Variants in NBEA observed in about 807,000 individuals in gnomAD.
NBEA encodes lysosomal-trafficking regulator 2.
A neutral mutation model predicts 343.4 loss-of-function variants in NBEA; 44 were observed. The observed-to-expected ratio is 0.13, with a 90% CI of 0.10 to 0.16. The LOEUF is 0.16. Ranked by LOEUF, NBEA falls within the 10% of genes least tolerant of loss-of-function variation. The pLI is 1.00. For missense variants in NBEA, 2,555 were observed against 3,631.3 expected (o/e 0.70, Z 7.62); for synonymous variants, 1,175 against 1,238.7 (o/e 0.95, Z 1.08).
chr13:35,460,535 C>G (rs2046844470), intron 40 of NBEA, among the ~76,000 whole-genome samples: 1 of 152,068 alleles, frequency 6.6e-6, no homozygotes, highest in African/African-American at 2.4e-5. Context: ...GAATATTGAG[C>G]CTCTTTGCCT....
chr13:35,096,087 G>A (rs952574986), intron 10 of NBEA, among the ~76,000 whole-genome samples: 23 of 151,742 alleles, frequency 1.5e-4, no homozygotes, highest in Non-Finnish European at 1.5e-5. Context: ...ACAATCCGAT[G>A]CATTTTAGTT....
At chr13:35,157,546 C>T (rs1469972255) in intron 21 of NBEA, among the ~76,000 whole-genome samples, 1 of 152,060 alleles carries the variant, frequency 6.6e-6, no homozygotes, top group Non-Finnish European at 1.5e-5. Context: ...TAATCTGAGC[C>T]ACTTGCTCTT....
intron 1 of NBEA, among the ~76,000 whole-genome samples, chr13:34,991,019 G>T (rs1381904438): frequency 6.6e-6 from 1 of 152,184 alleles, no homozygotes; most frequent in Non-Finnish European, 1.5e-5. Flanking sequence ...CTTTGCCCCA[G>T]TTCCCAATAA....
intron 38 of NBEA, among the ~76,000 whole-genome samples, chr13:35,396,947 C>T (rs1294524223): frequency 6.6e-6 from 1 of 152,076 alleles, no homozygotes; most frequent in African/African-American, 2.4e-5. Context: ...CTGACCTCAT[C>T]TCTTCATTTT....
In NBEA at chr13:35,159,590, C is replaced by G; in HGVS notation, c.3419C>G (p.Pro1140Arg). The G allele has an allele frequency of 6.2e-7, 1 of 1,611,704 alleles. No individual in the cohort carries two copies. ...TTAGCAGATGAGAAAGAAGACCTTC[C>G]CAATAGTAGTACATCATTTCTCTTT... is the stretch of plus-strand genomic sequence containing the variant. The part of the protein sequence containing the change: ...ITLADEKEDL[P>R]NSSTSFLFDK... The change falls in exon 22 of 59, where the codon CCC (proline) becomes CGC (arginine). Residue 1140 changes from proline to arginine, a missense_variant. Physicochemically the swap from Pro to Arg is moderately radical, Grantham distance 103. This residue lies in a region of NBEA where 367 missense variants were observed against 377.5 expected (regional missense o/e 0.97). Coordinates refer to ENST00000379939, the MANE Select transcript of NBEA (RefSeq NM_001385012.1).
chr13:34,973,047 G>A (rs1285060107), intron 1 of NBEA, among the ~76,000 whole-genome samples: 1 of 152,010 alleles, frequency 6.6e-6, no homozygotes, highest in Non-Finnish European at 1.5e-5. Context: ...CTTTTCCACA[G>A]GACTGTTGCG....
intron 13 of NBEA, among the ~76,000 whole-genome samples, chr13:35,112,685 C>T (rs2066276088): frequency 6.6e-6 from 1 of 152,128 alleles, no homozygotes; most frequent in South Asian, 2.1e-4. Flanking sequence ...TCTCATATGT[C>T]CCTCACCAGA....
At chr13:35,589,244 T>C (rs1418552616) in intron 46 of NBEA, among the ~76,000 whole-genome samples, 1 of 152,044 alleles carries the variant, frequency 6.6e-6, no homozygotes, top group Non-Finnish European at 1.5e-5. Context: ...AATAAACTTC[T>C]GGAATTAGAC....
chr13:35,424,582 T>A (rs1026651737), intron 38 of NBEA, among the ~76,000 whole-genome samples: 2 of 152,188 alleles, frequency 1.3e-5, no homozygotes, highest in African/African-American at 4.8e-5. Context: ...TGCATCAATG[T>A]TCATCAAGGA....
intron 39 of NBEA, among the ~76,000 whole-genome samples, chr13:35,437,057 C>T (rs1164474191): frequency 1.3e-5 from 2 of 152,086 alleles, no homozygotes; most frequent in African/African-American, 4.8e-5. Context: ...AGAATATAAG[C>T]CTTTATTAGT....
intron 50 of NBEA, 94 bp downstream of exon 50, chr13:35,646,025 T>G (rs2084212197): frequency 1.2e-6 from 1 of 848,470 alleles, no homozygotes; most frequent in East Asian, 2.7e-5. Context: ...AACCCCAGCT[T>G]CTGGGAATAA....
chr13:34,948,435 G>A (rs531631205), intron 1 of NBEA, among the ~76,000 whole-genome samples: 2 of 152,296 alleles, frequency 1.3e-5, no homozygotes, highest in South Asian at 4.1e-4. Context: ...ATTTGATCAG[G>A]TGTAAAGCAA....
chr13:35,659,828 A>G (rs1254051850), intron 55 of NBEA, among the ~76,000 whole-genome samples: 1 of 152,234 alleles, frequency 6.6e-6, no homozygotes, highest in African/African-American at 2.4e-5. Flanking sequence ...CAGAATTGCA[A>G]AGATGTGAAG....
intron 40 of NBEA, among the ~76,000 whole-genome samples, chr13:35,463,287 G>T (rs1482860247): frequency 6.6e-6 from 1 of 152,160 alleles, no homozygotes; most frequent in African/African-American, 2.4e-5. Flanking sequence ...TGAGAAAAAA[G>T]AAACTCTATA....
rs1053499267 is a variant in NBEA, at chr13:35,447,542, T to G, written c.6305-4550T>G. Among the ~76,000 whole-genome samples, 3 of 152,060 alleles carry G rather than the reference T, an allele frequency of 2.0e-5. No homozygotes were observed. In the East Asian group the frequency reaches 5.8e-4, roughly 29 times the overall value. On this transcript the variant is annotated intron_variant, in intron 39 of 58. Coordinates refer to ENST00000379939, the MANE Select transcript of NBEA (RefSeq NM_001385012.1). The stretch of plus-strand genomic sequence containing the variant: ...TCAGTCTATGGAGTGCTTTCATGGG[T>G]TATTTCTCACATGATGTAGAAAATA...
chr13:35,116,937 A>G (rs1172073687), intron 13 of NBEA, among the ~76,000 whole-genome samples: 2 of 152,084 alleles, frequency 1.3e-5, no homozygotes, highest in East Asian at 3.8e-4. Context: ...TACAAGTGAC[A>G]TAGAAGAAAT....
chr13:35,008,600 A>G (rs1233925461), intron 1 of NBEA, among the ~76,000 whole-genome samples: 3 of 152,192 alleles, frequency 2.0e-5, no homozygotes, highest in Admixed American at 1.3e-4. Context: ...GGCATAATGC[A>G]GCTCTGTATT....
At chr13:35,249,151 CAAA>C (rs1179922550) in intron 34 of NBEA, among the ~76,000 whole-genome samples, 3 of 49,690 alleles carry the variant, frequency 6.0e-5, no homozygotes, top group Non-Finnish European at 8.3e-5. Context: ...CTCCATCTTA[CAAA>C]AAAAAAAAAA....
In NBEA at chr13:35,085,469, C is replaced by G. The variant is rs113183628; in HGVS notation, c.1572-12828C>G. Among the ~76,000 whole-genome samples the G allele has an allele frequency of 1.3e-3, 193 of 152,164 alleles. 1 individual carries two copies. The highest frequency in any genetic ancestry group is 4.3e-3 in the African/African-American group (179 of 41,510). On this transcript the variant is annotated intron_variant, in intron 10 of 58. Transcript: ENST00000379939. ...AATGTAATCCAGCATATGAACAGAA[C>G]CAATGACAAAAACCGCATGATTATC...
Sources: gnomAD v4.1 joint callset for allele counts (sites outside exome capture counted in the v4.1 genomes callset) on GRCh38, gnomAD v4.1.1 for gene constraint, gnomAD v4.1.1 regional missense constraint, MANE v1.5 for transcripts, NCBI Gene and HGNC (gene_info 2026-07-23, HGNC 2026-07-21) for gene names.